Variants in PSEN1 observed in about 807,000 individuals in gnomAD.
PSEN1 encodes presenilin-1.
A neutral mutation model predicts 53.5 loss-of-function variants in PSEN1; 15 were observed. The ratio of observed to expected loss-of-function variants is 0.28; its 90% CI spans 0.19 to 0.43. PSEN1 has a LOEUF of 0.43. Among genes scored for constraint, PSEN1 ranks in the 20% least tolerant of loss-of-function variants. The probability of loss-of-function intolerance (pLI) is 1.00; values close to 1 mark genes in which losing one functional copy is unlikely to be tolerated. For missense variants in PSEN1, 387 were observed against 571.2 expected, an observed-to-expected ratio of 0.68 and a Z score of 3.29; for synonymous variants, 208 against 209.8, an observed-to-expected ratio of 0.99 and a Z score of 0.08.
intron 3 of PSEN1, 119 bp from the exon 4 acceptor site, chr14:73,170,678 T>G (rs1193392431): frequency 9.2e-7 from 1 of 1,089,514 alleles, no homozygotes; most frequent in Admixed American, 2.0e-5. Context: ...ACATTGTTTT[T>G]TCTTGCTTCA....
chr14:73,160,095 AT>A, intron 3 of PSEN1: 1 of 247,228 alleles, frequency 4.0e-6, no homozygotes, highest in Non-Finnish European at 9.0e-6. Context: ...AAATACAGAG[AT>A]TATGGGTGTG....
At chr14:73,183,665 A>G (rs1443267935) in intron 5 of PSEN1, among the ~76,000 whole-genome samples, 1 of 152,068 alleles carries the variant, frequency 6.6e-6, no homozygotes, top group East Asian at 1.9e-4. Flanking sequence ...TTCTTAGTAC[A>G]GAACAAAATG....
chr14:73,162,956 A>G (rs1432786279), intron 3 of PSEN1, among the ~76,000 whole-genome samples: 1 of 152,152 alleles, frequency 6.6e-6, no homozygotes, highest in Non-Finnish European at 1.5e-5. Context: ...TGTTTTACCT[A>G]TGTATTTATT....
chr14:73,192,837 C>T lies in PSEN1; in HGVS notation c.742C>T (p.Leu248Phe), dbSNP rs1373228424. 1.2e-6 allele frequency: 2 copies of T among 1,612,946 alleles called. No homozygotes were observed. Among genetic ancestry groups the T allele is most frequent in the Non-Finnish European group, 1.7e-6 (2 of 1,179,112 alleles). ...IKYLPEWTAWLILAVISVYDL... is the reference protein window; with the variant it reads ...IKYLPEWTAWFILAVISVYDL... ...GTACCTCCCTGAATGGACTGCGTGGCTCATCTTGGCTGTGATTTCAGTATA... is the reference window on the plus strand; with the variant it reads ...GTACCTCCCTGAATGGACTGCGTGGTTCATCTTGGCTGTGATTTCAGTATA... The change falls in exon 7 of 12, where the codon CTC (leucine) becomes TTC (phenylalanine). Residue 248 changes from leucine (L) to phenylalanine (F), a missense_variant. Physicochemically the swap from Leu to Phe is conservative, Grantham distance 22. Transcript: ENST00000324501.
At chr14:73,162,648 CTG>C in intron 3 of PSEN1, among the ~76,000 whole-genome samples, 1 of 152,136 alleles carries the variant, frequency 6.6e-6, no homozygotes, top group African/African-American at 2.4e-5. Flanking sequence ...GACAGAGAAT[CTG>C]TCTCAAAGAT....
intron 7 of PSEN1, among the ~76,000 whole-genome samples, chr14:73,194,996 A>G (rs753648250): frequency 6.6e-6 from 1 of 152,130 alleles, no homozygotes; most frequent in Non-Finnish European, 1.5e-5. Flanking sequence ...CTGTTCTTGT[A>G]TTTGAGTAAT....
At chr14:73,192,899 GAAT>G (rs756920958) in intron 7 of PSEN1, 35 bp downstream of exon 7, 1 of 1,506,910 alleles carries the variant, frequency 6.6e-7, no homozygotes, top group Non-Finnish European at 9.2e-7. Flanking sequence ...TTTGTCACAG[GAAT>G]GCCCCACTGG....
intron 6 of PSEN1, among the ~76,000 whole-genome samples, chr14:73,190,675 T>C (rs1164713757): frequency 6.6e-6 from 1 of 151,868 alleles, no homozygotes; most frequent in Non-Finnish European, 1.5e-5. Flanking sequence ...TGCTTGAGCC[T>C]AGGAGTTCAT....
At chr14:73,202,464 T>G (rs12432944) in intron 8 of PSEN1, among the ~76,000 whole-genome samples, 1 of 19,290 alleles carries the variant, frequency 5.2e-5, no homozygotes, top group African/African-American at 1.7e-4. Flanking sequence ...ATATATATAT[T>G]TTTTTTTTTT....
intron 3 of PSEN1, 82 bp downstream of exon 3, chr14:73,148,188 G>GGCTA (rs1377694129): frequency 1.9e-6 from 2 of 1,069,972 alleles, no homozygotes; most frequent in African/African-American, 3.1e-5. Flanking sequence ...ATGCTGAGGG[G>GGCTA]GCTAGGCAGG....
chr14:73,198,035 A>G lies in PSEN1; in HGVS notation c.774A>G (p.Leu258=), dbSNP rs201775747. The G allele has an allele frequency of 9.5e-6, 15 of 1,586,174 alleles. No homozygotes were observed. The highest frequency in any genetic ancestry group is 1.2e-5 in the Non-Finnish European group (14 of 1,155,334). ...TTTATGTTTTTCTTTTTCTAGATTT[A>G]GTGGCTGTTTTGTGTCCGAAAGGTC... The part of the protein sequence containing the change: ...LILAVISVYD[L]VAVLCPKGPL... The change falls in exon 8 of 12, where the codon TTA becomes TTG. Residue 258 remains leucine (L), a synonymous_variant. Coordinates refer to ENST00000324501, the MANE Select transcript of PSEN1 (RefSeq NM_000021.4).
chr14:73,214,530 CAAAAA>C (rs555608494), intron 10 of PSEN1, among the ~76,000 whole-genome samples: 1 of 74,044 alleles, frequency 1.4e-5, no homozygotes, highest in African/African-American at 4.2e-5. Context: ...AACTCCATCT[CAAAAA>C]AAAAAAAAAA....
chr14:73,160,399 T>TTA (rs1555351771), intron 3 of PSEN1, among the ~76,000 whole-genome samples: 1 of 152,254 alleles, frequency 6.6e-6, no homozygotes, highest in Non-Finnish European at 1.5e-5. Context: ...CAGTTCGTTT[T>TTA]TATATATACT....
At chr14:73,181,917 GCACCTGCCAC>G (rs1898227676) in intron 5 of PSEN1, among the ~76,000 whole-genome samples, 2 of 152,034 alleles carry the variant, frequency 1.3e-5, no homozygotes, top group Admixed American at 1.3e-4. Flanking sequence ...GGGACTACAG[GCACCTGCCAC>G]CACGCCTAGC....
chr14:73,156,830 T>G (rs779358938), intron 3 of PSEN1, among the ~76,000 whole-genome samples: 1 of 151,814 alleles, frequency 6.6e-6, no homozygotes, highest in Non-Finnish European at 1.5e-5. Flanking sequence ...GCCCAGCTAA[T>G]TTTTTGTAAT....
intron 3 of PSEN1, among the ~76,000 whole-genome samples, chr14:73,149,408 A>T (rs755281395): frequency 2.6e-5 from 4 of 152,134 alleles, no homozygotes; most frequent in Non-Finnish European, 2.9e-5. Context: ...AACAGTCACA[A>T]AAGGCTGAAA....
intron 10 of PSEN1, among the ~76,000 whole-genome samples, chr14:73,216,557 G>T (rs1412555392): frequency 3.3e-5 from 5 of 152,050 alleles, no homozygotes; most frequent in Non-Finnish European, 7.4e-5. Flanking sequence ...TCAGGAGTTC[G>T]AGACCAGCCT....
At chr14:73,187,112 A>G (rs1168860655) in intron 6 of PSEN1, among the ~76,000 whole-genome samples, 192 bp downstream of exon 6, 6 of 152,260 alleles carry the variant, frequency 3.9e-5, no homozygotes, top group Admixed American at 3.9e-4. Context: ...CTCCTTGCTT[A>G]TAATAAGTAG....
At chr14:73,186,755 C>T (rs781456476) in intron 5 of PSEN1, 98 bp from the exon 6 acceptor site, 303 of 1,000,246 alleles carry the variant, frequency 3.0e-4, no homozygotes, top group Non-Finnish European at 4.2e-4. Flanking sequence ...CCAGTCTGGG[C>T]GACAAAGTGA....
Sources: allele counts gnomAD v4.1 joint callset (sites outside exome capture counted in the v4.1 genomes callset), GRCh38; gene constraint gnomAD v4.1.1; transcripts MANE v1.5; gene names NCBI Gene and HGNC (gene_info 2026-07-23, HGNC 2026-07-21).